NPC2: variants seen among roughly 807,000 people sequenced by gnomAD.
The protein encoded by NPC2 is Niemann-Pick disease type C2 protein.
Under a neutral mutation model 17.0 loss-of-function variants are expected in NPC2, and 14 were observed. The observed-to-expected ratio is 0.82, with a 90% CI of 0.54 to 1.29. The LOEUF is 1.29. Ranked by LOEUF, NPC2 falls within the 50% of genes most tolerant of loss-of-function variation. NPC2 has a pLI of 0.00. For synonymous variants in NPC2, 75 were observed against 69.3 expected (o/e 1.08, Z -0.41); for missense variants, 167 against 183.4 (o/e 0.91, Z 0.52).
intron 1 of NPC2, among the ~76,000 whole-genome samples, chr14:74,488,354 G>A (rs2086734750): frequency 6.6e-6 from 1 of 152,138 alleles, no homozygotes; most frequent in Non-Finnish European, 1.5e-5. Flanking sequence ...AGAGAAATAA[G>A]CAGCACTATT....
chr14:74,486,427 T>A lies in NPC2; in HGVS notation c.92A>T (p.Asp31Val). 6.3e-7 allele frequency: 1 copy of A among 1,592,808 alleles called. No individual in the cohort carries two copies. Among genetic ancestry groups the A allele is most frequent in the Non-Finnish European group, 8.6e-7 (1 of 1,168,676 alleles). ...CACATTCACTTCCTTTATAACTCCA[T>A]CCACAGAACCTGCAAAAGAAAAATG... ...PVQFKDCGSV[D>V]GVIKEVNVSP... The change falls in exon 2 of 5, where the codon GAT becomes GTT. Residue 31 changes from aspartate (D) to valine (V), a missense_variant. Asp to Val is a radical substitution (Grantham distance 152). Transcript: ENST00000555619.
chr14:74,493,420 C>T (rs2139676884), upstream of NPC2: 3 of 1,534,950 alleles, frequency 2.0e-6, no homozygotes, highest in Non-Finnish European at 2.6e-6. This position sits in a 1 kb window ranked among gnomAD's most constrained non-coding sequence, Gnocchi z 4.1. Context: ...CGCCCCGCCC[C>T]CGGCTCCGGA....
chr14:74,493,409 G>A (rs897901659), upstream of NPC2: 15 of 1,536,994 alleles, frequency 9.8e-6, no homozygotes, highest in Non-Finnish European at 1.2e-5. The surrounding 1 kb of genome is among the most constrained non-coding windows in gnomAD (Gnocchi z 4.1). Flanking sequence ...AGGCCCGCCC[G>A]CGCCCCGCCC....
At chr14:74,480,343 G>A in intron 4 of NPC2, 55 bp from the exon 5 acceptor site, 1 of 1,471,724 alleles carries the variant, frequency 6.8e-7, no homozygotes, top group African/African-American at 1.4e-5. Flanking sequence ...TTCCTCCACT[G>A]TCAGGGCAAT....
intron 3 of NPC2, 153 bp downstream of exon 3, chr14:74,484,262 G>A (rs1221066913): frequency 3.8e-6 from 3 of 791,356 alleles, no homozygotes; most frequent in African/African-American, 3.4e-5. Context: ...ACCTCCTGAT[G>A]CCTAACACCG....
At chr14:74,482,781 A>G (rs1184160022) in intron 3 of NPC2, among the ~76,000 whole-genome samples, 1 of 152,136 alleles carries the variant, frequency 6.6e-6, no homozygotes, top group African/African-American at 2.4e-5. Context: ...AAATAGAGAT[A>G]ATATCACCTC....
Position 74,493,094 on chromosome 14 carries a change from C to T in NPC2, c.82+99G>A. 6.8e-7 allele frequency: 1 copy of T among 1,465,214 alleles called. No individual in the cohort carries two copies. The highest frequency in any genetic ancestry group is 1.4e-5 in the African/African-American group (1 of 71,294). 90.8% of individuals were successfully genotyped at this position (1,465,214 alleles called of 1,614,324 possible). A position where few individuals can be genotyped will look rare whatever the true frequency, so the allele number is the denominator to read the frequency against. Reference sequence around the variant, plus strand: ...GGGTCCAAGGCTCAGCCTGGCCGCCCGAGGGATCCGCCCAGCCCAGCCCCA... The same window carrying T: ...GGGTCCAAGGCTCAGCCTGGCCGCCTGAGGGATCCGCCCAGCCCAGCCCCA... On this transcript the variant is annotated intron_variant, in intron 1 of 4. Coordinates refer to ENST00000555619, the MANE Select transcript of NPC2 (RefSeq NM_006432.5). The surrounding 1 kb of genome is among the most constrained non-coding windows in gnomAD (Gnocchi z 4.1).
At chr14:74,487,264 G>GTTTTT (rs1491518755) in intron 1 of NPC2, among the ~76,000 whole-genome samples, 1 of 142,910 alleles carries the variant, frequency 7.0e-6, no homozygotes. Context: ...TGTTTTTGTG[G>GTTTTT]TTTTTTTTTG....
intron 1 of NPC2, among the ~76,000 whole-genome samples, chr14:74,487,151 A>G (rs1469871132): frequency 1.3e-5 from 2 of 151,622 alleles, no homozygotes; most frequent in South Asian, 2.1e-4. Context: ...GGGTTTCACT[A>G]TGTTGGCCAG....
intron 3 of NPC2, chr14:74,483,462 C>T: frequency 6.4e-7 from 1 of 1,552,110 alleles, no homozygotes; most frequent in Admixed American, 1.7e-5. Flanking sequence ...AGAAAAACAC[C>T]AGTGGAAAAG....
upstream of NPC2, chr14:74,493,347 C>A (rs1278062038): frequency 3.8e-6 from 6 of 1,570,224 alleles, no homozygotes; most frequent in African/African-American, 5.4e-5. The surrounding 1 kb of genome is among the most constrained non-coding windows in gnomAD (Gnocchi z 4.1). Flanking sequence ...CCTGTCGGGG[C>A]GGGCCCGGGG....
chr14:74,484,755 CAAA>C (rs71115996), intron 2 of NPC2, among the ~76,000 whole-genome samples, 168 bp from the exon 3 acceptor site: 5 of 85,226 alleles, frequency 5.9e-5, no homozygotes, highest in Admixed American at 2.8e-4. Context: ...CACAATTATG[CAAA>C]AAAAAAAAAA....
intron 4 of NPC2, 118 bp downstream of exon 4, chr14:74,480,584 G>A (rs1165316019): frequency 2.3e-6 from 2 of 887,224 alleles, no homozygotes; most frequent in African/African-American, 1.6e-5. Context: ...GAGGTTGAGA[G>A]GCATAAAACA....
At chr14:74,487,274 G>GTTTTTTTTTTT (rs59427038) in intron 1 of NPC2, among the ~76,000 whole-genome samples, 1 of 132,062 alleles carries the variant, frequency 7.6e-6, no homozygotes, top group Non-Finnish European at 1.6e-5. Flanking sequence ...GTTTTTTTTT[G>GTTTTTTTTTTT]TTTTTTTTTT....
intron 1 of NPC2, among the ~76,000 whole-genome samples, chr14:74,489,505 A>T (rs2086747850): frequency 6.6e-6 from 1 of 151,622 alleles, no homozygotes; most frequent in African/African-American, 2.4e-5. Context: ...ACAGATGTAT[A>T]CTCGATTTTG....
intron 2 of NPC2, among the ~76,000 whole-genome samples, chr14:74,485,294 CAAAAAAAAAAAA>C (rs61395005): frequency 2.9e-4 from 21 of 71,334 alleles, no homozygotes; most frequent in South Asian, 5.8e-4. Flanking sequence ...GACTCTGTCA[CAAAAAAAAAAAA>C]AAAAAAAAAA....
In NPC2 at chr14:74,484,418, G is replaced by T; in HGVS notation, c.360C>A (p.Pro120=). 6.2e-7 allele frequency: 1 copy of T among 1,614,034 alleles called. No individual in the cohort carries two copies. The highest frequency in any genetic ancestry group is 2.2e-5 in the East Asian group (1 of 44,872). Residue 120 remains proline (P), a synonymous_variant, in exon 3 of 5, where the codon CCC becomes CCA. Coordinates refer to ENST00000555619, the MANE Select transcript of NPC2 (RefSeq NM_006432.5). ...LNKLPVKSEY[P]SIKLVVEWQL... is the part of the protein sequence containing the mutation. ...CCTCAATAATGGTATCACTTACAGA[G>T]GGATATTCGCTTTTCACTGGTAGTT... is the stretch of plus-strand genomic sequence containing the variant.
At position 74,484,743 on chromosome 14, in the gene NPC2, A is replaced by C. The variant is rs192398284; in HGVS notation, c.191-156T>G. On this transcript the variant is annotated intron_variant, in intron 2 of 4. Transcript: ENST00000555619. Reference sequence around the variant, plus strand: ...TAGCACAGTGCAAGCATTCACTCCAAACACAATTATGCAAAAAAAAAAAAA... The same window carrying C: ...TAGCACAGTGCAAGCATTCACTCCACACACAATTATGCAAAAAAAAAAAAA... 7.5e-4 allele frequency among the ~76,000 whole-genome samples: 111 copies of C among 147,602 alleles called. 1 individual carries two copies. In the Middle Eastern group the frequency reaches 0.01, roughly 14 times the overall value.
At chr14:74,488,628 C>T (rs1359341831) in intron 1 of NPC2, among the ~76,000 whole-genome samples, 3 of 152,020 alleles carry the variant, frequency 2.0e-5, no homozygotes, top group Admixed American at 6.6e-5. Context: ...GCAGGAGAAT[C>T]GCTTGAACTG....
Sources: allele counts gnomAD v4.1 joint callset (sites outside exome capture counted in the v4.1 genomes callset), GRCh38; gene constraint gnomAD v4.1.1; non-coding constraint Gnocchi (gnomAD v3.1); transcripts MANE v1.5; gene names NCBI Gene and HGNC (gene_info 2026-07-23, HGNC 2026-07-21).